TTC7B: variants seen among roughly 807,000 people sequenced by gnomAD.
TTC7B encodes tetratricopeptide repeat protein 7B.
Under a neutral mutation model 106.8 loss-of-function variants are expected in TTC7B, and 28 were observed. The observed-to-expected ratio is 0.26, with a 90% CI of 0.19 to 0.36. The LOEUF (loss-of-function observed/expected upper bound fraction) is 0.36. Among genes scored for constraint, TTC7B ranks in the 10% least tolerant of loss-of-function variants. The pLI, the probability that TTC7B is intolerant of heterozygous loss-of-function variation, is 1.00. For missense variants in TTC7B, 862 were observed against 1,076.4 expected (o/e 0.80, Z 2.79); for synonymous variants, 405 against 430.6 (o/e 0.94, Z 0.74).
At chr14:90,778,388 C>T (rs757765175) in intron 3 of TTC7B, among the ~76,000 whole-genome samples, 10 of 152,184 alleles carry the variant, frequency 6.6e-5, no homozygotes, top group Non-Finnish European at 1.3e-4. Context: ...CTGGCAGTGA[C>T]ACCTGTAGAC....
Position 90,613,419 on chromosome 14 carries a change from A to T in TTC7B, c.1869-2580T>A, listed in dbSNP as rs533270280. Among the ~76,000 whole-genome samples, 7 of 152,232 alleles carry T rather than the reference A, an allele frequency of 4.6e-5. No homozygotes were observed. In the South Asian group the frequency reaches 1.5e-3, roughly 32 times the overall value. ...AAAAAAAAATTAAAAATAATTAGGT[A>T]TTTGTGACCGATTGAGAATTTTACT... On this transcript the variant is annotated intron_variant, in intron 16 of 19. Transcript: ENST00000328459.
rs1163331102 is a variant in TTC7B at position 90,525,256 on chromosome 14, C to T, written c.*16112G>A. 2.6e-5 allele frequency: 4 copies of T among 152,254 alleles called. No individual in the cohort carries two copies. Among genetic ancestry groups the T allele is most frequent in the East Asian group, 1.9e-4 (1 of 5,196 alleles). The allele number at this position is 152,254 out of a possible 1,614,324, so 9.4% of individuals were successfully genotyped here. ...CTCGTCACCACTACCTGGAGATTCA[C>T]CCATGTTGCTGCAGGCACCAAGCCC... On this transcript the variant is annotated 3_prime_UTR_variant, in exon 20 of 20. Coordinates refer to ENST00000328459, the MANE Select transcript of TTC7B (RefSeq NM_001010854.2).
At position 90,562,892 on chromosome 14, in the gene TTC7B, G is replaced by A. The variant is rs112437982; in HGVS notation, c.2310+15214C>T. Among the ~76,000 whole-genome samples the A allele has an allele frequency of 7.6e-3, 1,161 of 152,170 alleles. 13 individuals are homozygous for A. The highest frequency in any genetic ancestry group is 7.7e-3 in the Non-Finnish European group (522 of 68,020). Reference sequence around the variant, plus strand: ...TCTTCCCACTTGTGGGAGAGTCTGCGCCTCTACTCGGCTGCCAGCACTTGG... The same window carrying A: ...TCTTCCCACTTGTGGGAGAGTCTGCACCTCTACTCGGCTGCCAGCACTTGG... On this transcript the variant is annotated intron_variant, in intron 19 of 19. Coordinates refer to ENST00000328459, the MANE Select transcript of TTC7B (RefSeq NM_001010854.2).
intron 3 of TTC7B, among the ~76,000 whole-genome samples, chr14:90,756,965 C>T (rs1890324145): frequency 6.6e-6 from 1 of 152,178 alleles, no homozygotes; most frequent in African/African-American, 2.4e-5. Context: ...GAAGCTTTGA[C>T]CAGCAACCTG....
rs1192749310 is a variant in TTC7B, at chr14:90,808,759, C to T, written c.121+7416G>A. The stretch of plus-strand genomic sequence containing the variant: ...CCCAGGTGGGAGACACTGGCTTTCA[C>T]GCATGTCAAAGGCCTGCAACCCGCC... On this transcript the variant is annotated intron_variant, in intron 1 of 19. Transcript: ENST00000328459. The surrounding 1 kb of genome is among the most constrained non-coding windows in gnomAD (Gnocchi z 4.2). 1.3e-5 allele frequency among the ~76,000 whole-genome samples: 2 copies of T among 152,206 alleles called. No individual in the cohort carries two copies. The highest frequency in any genetic ancestry group is 1.9e-4 in the East Asian group (1 of 5,202).
chr14:90,580,706 G>A (rs942534423), intron 18 of TTC7B, among the ~76,000 whole-genome samples: 4 of 152,192 alleles, frequency 2.6e-5, no homozygotes, highest in South Asian at 2.1e-4. Context: ...CCTCCTTCAG[G>A]GCCCAGATGG....
chr14:90,571,475 G>T (rs1002618406), intron 19 of TTC7B, among the ~76,000 whole-genome samples: 1 of 152,216 alleles, frequency 6.6e-6, no homozygotes. Flanking sequence ...GCATTGGAAG[G>T]CTGGGCACTA....
intron 1 of TTC7B, among the ~76,000 whole-genome samples, chr14:90,792,487 G>C (rs1464444321): frequency 1.3e-5 from 2 of 152,140 alleles, no homozygotes; most frequent in African/African-American, 4.8e-5. Flanking sequence ...TGAGGCAGGA[G>C]AATCACTTGA....
At chr14:90,595,143 C>T (rs1892152604) in intron 17 of TTC7B, among the ~76,000 whole-genome samples, 1 of 152,094 alleles carries the variant, frequency 6.6e-6, no homozygotes, top group Admixed American at 6.6e-5. Flanking sequence ...ACCATCTTGG[C>T]TAACATGGTG....
intron 4 of TTC7B, among the ~76,000 whole-genome samples, chr14:90,743,433 C>G (rs764158556): frequency 3.7e-4 from 56 of 152,182 alleles, no homozygotes; most frequent in Non-Finnish European, 5.7e-4. Context: ...TTGGCAGTCT[C>G]TCTCTATTCT....
At chr14:90,599,343 C>G (rs1275249495) in intron 17 of TTC7B, among the ~76,000 whole-genome samples, 1 of 152,326 alleles carries the variant, frequency 6.6e-6, no homozygotes, top group East Asian at 1.9e-4. Context: ...CCTTCCCTCT[C>G]CCCTCACAGC....
chr14:90,689,657 T>C lies in TTC7B; in HGVS notation c.833A>G (p.Tyr278Cys), dbSNP rs866544747. ...CGGTGGATCCTCCAGAGGGTTCCAG[T>C]AGCTCTGCTCACACATACCCCGCAA... is the stretch of plus-strand genomic sequence containing the variant. ...ILLRGMCEQSYWNPLEDPPCQ... is the reference protein window; with the variant it reads ...ILLRGMCEQSCWNPLEDPPCQ... The change falls in exon 7 of 20, where the codon TAC becomes TGC. Residue 278 changes from tyrosine to cysteine, a missense_variant. By Grantham distance (194) the Tyr-to-Cys change is radical. Transcript: ENST00000328459. The C allele has an allele frequency of 1.9e-6, 3 of 1,614,208 alleles. No individual in the cohort carries two copies. Among genetic ancestry groups the C allele is most frequent in the Middle Eastern group, 3.3e-4 (2 of 6,062 alleles).
intron 3 of TTC7B, among the ~76,000 whole-genome samples, chr14:90,749,834 T>G (rs1890086576): frequency 6.6e-6 from 1 of 152,232 alleles, no homozygotes; most frequent in African/African-American, 2.4e-5. Context: ...ATATCAGACA[T>G]GGTAGTTTTC....
chr14:90,773,791 G>T (rs865874729), intron 3 of TTC7B, among the ~76,000 whole-genome samples: 1 of 152,144 alleles, frequency 6.6e-6, no homozygotes, highest in African/African-American at 2.4e-5. Flanking sequence ...CACAGGTGAG[G>T]CCTGCTCCTC....
chr14:90,543,143 T>A (rs1208790485), intron 19 of TTC7B, among the ~76,000 whole-genome samples: 1 of 152,228 alleles, frequency 6.6e-6, no homozygotes, highest in Non-Finnish European at 1.5e-5. Context: ...TACCATAATT[T>A]CCCAGCTTAT....
chr14:90,780,698 C>G, intron 3 of TTC7B, 40 bp downstream of exon 3: 1 of 1,591,526 alleles, frequency 6.3e-7, no homozygotes, highest in Non-Finnish European at 8.6e-7. Context: ...GCTGCTGGCT[C>G]CAGGTCACGG....
intron 3 of TTC7B, among the ~76,000 whole-genome samples, chr14:90,778,497 C>T (rs1891106721): frequency 1.3e-5 from 2 of 152,208 alleles, no homozygotes; most frequent in Non-Finnish European, 2.9e-5. Context: ...AATAGGAAGC[C>T]AACTCCTGGT....
rs754087475 is a variant in TTC7B at position 90,610,725 on chromosome 14, T to G, written c.1966+17A>C. The G allele has an allele frequency of 1.3e-6, 2 of 1,586,160 alleles. No individual in the cohort carries two copies. Among genetic ancestry groups the G allele is most frequent in the African/African-American group, 2.7e-5 (2 of 74,396 alleles). On this transcript the variant is annotated intron_variant, in intron 17 of 19. Transcript: ENST00000328459. Reference sequence around the variant, plus strand: ...CTCCATTACACCATTTCGTCCCCTCTGGCTTTTTATTCTCACCTGTCTCGG... The same window carrying G: ...CTCCATTACACCATTTCGTCCCCTCGGGCTTTTTATTCTCACCTGTCTCGG...
At chr14:90,713,005 A>G (rs565461671) in intron 5 of TTC7B, among the ~76,000 whole-genome samples, 30 of 152,322 alleles carry the variant, frequency 2.0e-4, no homozygotes, top group African/African-American at 7.0e-4. Flanking sequence ...TAACGTGTCA[A>G]TGCAATCCAA....
Sources: gnomAD v4.1 joint callset for allele counts (sites outside exome capture counted in the v4.1 genomes callset) on GRCh38, gnomAD v4.1.1 for gene constraint, Gnocchi (gnomAD v3.1) non-coding constraint, MANE v1.5 for transcripts, NCBI Gene and HGNC (gene_info 2026-07-23, HGNC 2026-07-21) for gene names.